The following CEP192 variants were observed in gnomAD, a reference collection of about 807,000 sequenced individuals.
CEP192 encodes centrosomal protein of 192 kDa.
A neutral mutation model predicts 271.8 loss-of-function variants in CEP192; 151 were observed. The observed-to-expected ratio is 0.56, with a 90% confidence interval of 0.49 to 0.64. CEP192 has a LOEUF of 0.64. Among genes scored for constraint, CEP192 ranks in the 30% least tolerant of loss-of-function variants. CEP192 has a pLI of 0.00. For missense variants in CEP192, 2,910 were observed against 3,020.5 expected, an observed-to-expected ratio of 0.96 and a Z score of 0.86; for synonymous variants, 995 against 1,076.5, an observed-to-expected ratio of 0.92 and a Z score of 1.48.
chr18:13,064,429 A>G (rs989776855), intron 21 of CEP192, among the ~76,000 whole-genome samples: 19 of 151,726 alleles, frequency 1.3e-4, no homozygotes, highest in African/African-American at 4.4e-4. Flanking sequence ...TGGCTAACAC[A>G]GTTGAACCCC....
Position 13,008,620 on chromosome 18 carries a change from A to G in CEP192, c.455A>G (p.Glu152Gly). The G allele has an allele frequency of 1.9e-6, 3 of 1,548,950 alleles. No individual in the cohort carries two copies. The highest frequency in any genetic ancestry group is 2.6e-6 in the Non-Finnish European group (3 of 1,145,726). The change falls in exon 4 of 45, where the codon GAA becomes GGA. Residue 152 changes from glutamate (E) to glycine (G), a missense_variant. Transcript: ENST00000506447. ...CTCTTCAACAGGGCTTCACCACTGG[A>G]ACAAGCACAAGGTACTGAACTATTT... ...QDLFNRASPL[E>G]QAQDSPIDFH...
At chr18:13,041,856 G>A (rs571512481) in intron 14 of CEP192, among the ~76,000 whole-genome samples, 5 of 152,186 alleles carry the variant, frequency 3.3e-5, no homozygotes, top group African/African-American at 1.2e-4. Context: ...ATGAGCCACC[G>A]CACCCGACCA....
intron 8 of CEP192, among the ~76,000 whole-genome samples, chr18:13,018,852 A>C (rs929639771): frequency 6.6e-6 from 1 of 152,184 alleles, no homozygotes; most frequent in Non-Finnish European, 1.5e-5. Flanking sequence ...ATTGTATTCT[A>C]TCCAGACATT....
At chr18:13,065,670 G>A (rs2037656760) in intron 21 of CEP192, among the ~76,000 whole-genome samples, 1 of 152,154 alleles carries the variant, frequency 6.6e-6, no homozygotes, top group East Asian at 1.9e-4. Context: ...GTTGTGGGAG[G>A]CTTTACAAGT....
chr18:13,008,874 C>T (rs1274277803), intron 4 of CEP192, among the ~76,000 whole-genome samples: 1 of 151,866 alleles, frequency 6.6e-6, no homozygotes, highest in African/African-American at 2.4e-5. Flanking sequence ...GCTAGGCTAA[C>T]TTTTTGTGTT....
intron 35 of CEP192, 90 bp from the exon 36 acceptor site, chr18:13,096,094 C>G: frequency 7.6e-7 from 1 of 1,308,032 alleles, no homozygotes; most frequent in Non-Finnish European, 1.1e-6. Context: ...ACTTGTATAT[C>G]TATTTAGGGT....
intron 1 of CEP192, among the ~76,000 whole-genome samples, chr18:12,997,207 C>G (rs2033304603): frequency 6.6e-6 from 1 of 151,968 alleles, no homozygotes; most frequent in African/African-American, 2.4e-5. Flanking sequence ...ACTTCATAAA[C>G]TGTTGTGGGA....
At position 13,100,469 on chromosome 18, in the gene CEP192, CAA is replaced by C; in HGVS notation, c.6829_6830del (p.Lys2277GlufsTer11). 6.2e-7 allele frequency: 1 copy of C among 1,613,910 alleles called. No homozygotes were observed. Among genetic ancestry groups the C allele is most frequent in the Non-Finnish European group, 8.5e-7 (1 of 1,179,950 alleles). On this transcript the variant is annotated frameshift_variant, in exon 38 of 45. Coordinates refer to ENST00000506447, the MANE Select transcript of CEP192 (RefSeq NM_032142.4). LOFTEE classifies it high-confidence loss of function. ...PPSTKVEIRN[K>X]SITFPTTEPG... ...CTTCCACAAAAGTTGAAATAAGAAA[CAA>C]GAGTATTACTTTTCCTACAACAGAA...
At chr18:13,094,823 C>T (rs1011898956) in intron 34 of CEP192, among the ~76,000 whole-genome samples, 26 of 67,446 alleles carry the variant, frequency 3.9e-4, no homozygotes, top group African/African-American at 2.0e-3. Flanking sequence ...AATCTAACAC[C>T]ACAGTGCCTT....
At chr18:13,079,008 T>C (rs1220876326) in intron 30 of CEP192, among the ~76,000 whole-genome samples, 1 of 152,220 alleles carries the variant, frequency 6.6e-6, no homozygotes, top group Non-Finnish European at 1.5e-5. Flanking sequence ...GGTGTATATA[T>C]GCCACATTTT....
intron 40 of CEP192, among the ~76,000 whole-genome samples, chr18:13,105,382 C>T (rs1187605614): frequency 6.6e-6 from 1 of 152,222 alleles, no homozygotes; most frequent in Non-Finnish European, 1.5e-5. Flanking sequence ...AAAAACCTGC[C>T]ATTACTCAAA....
intron 32 of CEP192, chr18:13,088,655 T>G: frequency 5.2e-6 from 1 of 192,314 alleles, no homozygotes; most frequent in South Asian, 9.4e-5. Flanking sequence ...AGAAAGGGGG[T>G]GTGGAGGAAT....
At position 13,068,136 on chromosome 18, in the gene CEP192, G is replaced by A. The variant is rs200218579; in HGVS notation, c.4657G>A (p.Val1553Ile). 1.2e-4 allele frequency: 191 copies of A among 1,614,056 alleles called. No homozygotes were observed. The highest frequency in any genetic ancestry group is 1.1e-4 in the Non-Finnish European group (133 of 1,180,000). ...WRCFTFSKES[V>I]RAPVEVAPCA... ...CTGTTTCACGTTTTCCAAGGAATCC[G>A]TCCGAGCTCCTGTGGAAGTTGCTCC... The change falls in exon 23 of 45, where the codon GTC becomes ATC. Residue 1553 changes from valine to isoleucine, a missense_variant. Transcript: ENST00000506447.
At chr18:13,020,215 T>G (rs1002398857) in intron 9 of CEP192, among the ~76,000 whole-genome samples, 1 of 152,168 alleles carries the variant, frequency 6.6e-6, no homozygotes, top group African/African-American at 2.4e-5. Flanking sequence ...ACTCTACCCA[T>G]TAAACAACAA....
chr18:13,002,466 C>G (rs2033714085), intron 3 of CEP192, among the ~76,000 whole-genome samples: 1 of 152,146 alleles, frequency 6.6e-6, no homozygotes, highest in Admixed American at 6.5e-5. Context: ...TAATGAACTT[C>G]CCTACATGTA....
chr18:13,029,696 C>A lies in CEP192; in HGVS notation c.1084C>A (p.Leu362Ile). The change falls in exon 10 of 45, where the codon CTC (leucine) becomes ATC (isoleucine). Residue 362 changes from leucine to isoleucine, a missense_variant. Physicochemically the swap from Leu to Ile is conservative, Grantham distance 5 (BLOSUM62 2). Transcript: ENST00000506447. ...AAGTAAAGATGTTCTGGTGAAGACC[C>A]TCAGGGCTATTGATGTGAAACTTAA... ...CASKDVLVKT[L>I]RAIDVKLNSD... The A allele has an allele frequency of 6.5e-7, 1 of 1,548,228 alleles. No homozygotes were observed. Among genetic ancestry groups the A allele is most frequent in the Admixed American group, 2.0e-5 (1 of 50,738 alleles).
At position 13,068,512 on chromosome 18, in the gene CEP192, A is replaced by G. The variant is rs547081764; in HGVS notation, c.4822+90A>G. ...TGTATTTCCTTTGTCAATAAATGTC[A>G]GTACTTCGAAATCTGTCAACTATTT... On this transcript the variant is annotated intron_variant, in intron 24 of 44. Coordinates refer to ENST00000506447, the MANE Select transcript of CEP192 (RefSeq NM_032142.4). 4 of 1,093,732 alleles carry G rather than the reference A, an allele frequency of 3.7e-6. No homozygotes were observed. In the South Asian group the frequency reaches 5.6e-5, roughly 15 times the overall value. 67.8% of individuals were successfully genotyped at this position (1,093,732 alleles called of 1,614,324 possible).
At chr18:13,116,892 T>A (rs1371315419) in intron 43 of CEP192, among the ~76,000 whole-genome samples, 3 of 152,008 alleles carry the variant, frequency 2.0e-5, no homozygotes, top group Admixed American at 6.6e-5. Flanking sequence ...TACAGGCGTG[T>A]GCCACCACGC....
At chr18:13,109,091 C>T (rs2040087335) in intron 40 of CEP192, among the ~76,000 whole-genome samples, 1 of 152,150 alleles carries the variant, frequency 6.6e-6, no homozygotes, top group African/African-American at 2.4e-5. Flanking sequence ...AAGATACATG[C>T]ACTTGCACAT....
Sources: gnomAD v4.1 joint callset for allele counts (sites outside exome capture counted in the v4.1 genomes callset) on GRCh38, gnomAD v4.1.1 for gene constraint, MANE v1.5 for transcripts, NCBI Gene and HGNC (gene_info 2026-07-23, HGNC 2026-07-21) for gene names.